The following COL4A5 variants were observed in gnomAD, a reference collection of about 807,000 sequenced individuals.
COL4A5 encodes the protein collagen alpha-5(IV) chain.
In COL4A5, 26 loss-of-function variants were observed where a neutral mutation model predicts 130.2. That is an observed-to-expected ratio of 0.20 (90% confidence interval 0.15 to 0.28). The LOEUF is 0.28. COL4A5 is among the 10% of genes least tolerant of loss of function. The probability of loss-of-function intolerance (pLI) is 1.00; values close to 1 mark genes in which losing one functional copy is unlikely to be tolerated. For synonymous variants in COL4A5, 496 were observed against 439.6 expected (o/e 1.13, Z -1.60); for missense variants, 1,131 against 1,344.3 (o/e 0.84, Z 2.48).
chrX:108,691,569 A>T (rs191952670), intron 49 of COL4A5, among the ~76,000 whole-genome samples: 1 of 111,457 alleles, frequency 9.0e-6, no homozygotes, highest in East Asian at 2.8e-4. Context: ...TAAAACATTT[A>T]ACACGTAAAG....
At position 108,694,909 on chromosome X, in the gene COL4A5, T is replaced by G. The variant is rs104886299; in HGVS notation, c.4809T>G (p.Tyr1603Ter). 1 of 1,183,542 alleles carries G rather than the reference T, an allele frequency of 8.4e-7. No individual in the cohort carries two copies. Among genetic ancestry groups the G allele is most frequent in the Non-Finnish European group, 1.1e-6 (1 of 869,817 alleles). Reference sequence around the variant, plus strand: ...GATGGGATTCTCTGTGGATTGGTTATTCCTTCATGATGGTATTTTACACTC... The same window carrying G: ...GATGGGATTCTCTGTGGATTGGTTAGTCCTTCATGATGGTATTTTACACTC... ...PQGWDSLWIG[Y>*]SFMMHTSAGA... The change falls in exon 51 of 53, where the codon TAT becomes TAG. Residue 1603 changes from tyrosine (Y) to a stop codon, truncating the protein, a stop_gained. Transcript: ENST00000328300. LOFTEE classifies it high-confidence loss of function.
At chrX:108,485,252 C>G (rs1315183613) in intron 1 of COL4A5, among the ~76,000 whole-genome samples, 1 of 112,083 alleles carries the variant, frequency 8.9e-6, no homozygotes, top group African/African-American at 3.2e-5. Context: ...AAAGCCAAGG[C>G]CTGGAATTGA....
chrX:108,538,409 G>A (rs1177909512), intron 1 of COL4A5, among the ~76,000 whole-genome samples: 1 of 112,008 alleles, frequency 8.9e-6, no homozygotes, highest in Admixed American at 9.5e-5. Context: ...GCCTCTTGTA[G>A]TGTGAGTGAG....
intron 44 of COL4A5, among the ~76,000 whole-genome samples, chrX:108,678,319 G>A (rs2068350325): frequency 9.0e-6 from 1 of 111,258 alleles, no homozygotes; most frequent in Non-Finnish European, 1.9e-5. Flanking sequence ...GATCCTTAAA[G>A]CTTTTCAAAA....
chrX:108,614,755 A>C (rs1226664383), intron 29 of COL4A5, among the ~76,000 whole-genome samples, 156 bp from the exon 30 acceptor site: 1 of 112,379 alleles, frequency 8.9e-6, no homozygotes, highest in Admixed American at 9.5e-5. Flanking sequence ...GTAACTATTA[A>C]TAGATTCCCT....
chrX:108,678,499 A>G (rs1246502148), intron 44 of COL4A5, among the ~76,000 whole-genome samples: 1 of 111,445 alleles, frequency 9.0e-6, no homozygotes, highest in Non-Finnish European at 1.9e-5. Flanking sequence ...TTTAATGCAG[A>G]TTTCTTAAGA....
intron 47 of COL4A5, among the ~76,000 whole-genome samples, chrX:108,683,597 A>C (rs779393293): frequency 9.0e-6 from 1 of 111,305 alleles, no homozygotes; most frequent in African/African-American, 3.3e-5. Context: ...TTTTGCCTGA[A>C]GAGGTCCTCC....
chrX:108,602,019 G>A, intron 27 of COL4A5, 30 bp downstream of exon 27: 1 of 742,732 alleles, frequency 1.3e-6, no homozygotes, highest in Admixed American at 2.6e-5. Flanking sequence ...AGGCAGAGTA[G>A]GTTAGAAGTT....
At chrX:108,658,427 C>G (rs2067887960) in intron 37 of COL4A5, among the ~76,000 whole-genome samples, 1 of 110,610 alleles carries the variant, frequency 9.0e-6, no homozygotes, top group African/African-American at 3.3e-5. Context: ...GTGTCCTTGT[C>G]AATGTTTTAG....
chrX:108,564,057 AAATTT>A lies in COL4A5; in HGVS notation c.276+134_276+138del, dbSNP rs1466803682. ...AGATAAATACAGTCTTCAAAAAGTTAAATTTAAGAGTTGGTATATGTCTATAACTA... is the reference window on the plus strand; with the variant it reads ...AGATAAATACAGTCTTCAAAAAGTTAAAGAGTTGGTATATGTCTATAACTA... On this transcript the variant is annotated intron_variant, in intron 4 of 52. Transcript: ENST00000328300. 1.3e-5 allele frequency: 7 copies of A among 533,604 alleles called. No individual in the cohort carries two copies. In the African/African-American group the frequency reaches 1.4e-4, roughly 11 times the overall value. The allele number at this position is 533,604 out of a possible 1,213,427, so 44.0% of individuals were successfully genotyped here. A position where few individuals can be genotyped will look rare whatever the true frequency, so the allele number is the denominator to read the frequency against.
chrX:108,512,689 A>G (rs904618014), intron 1 of COL4A5, among the ~76,000 whole-genome samples: 1 of 111,199 alleles, frequency 9.0e-6, no homozygotes, highest in African/African-American at 3.3e-5. Context: ...GGTCACAGAG[A>G]TCACGTACTT....
In COL4A5 at chrX:108,665,581, C is replaced by G. The variant is rs1199256878; in HGVS notation, c.3448C>G (p.Pro1150Ala). Residue 1150 changes from proline to alanine, a missense_variant, in exon 38 of 53, where the codon CCT becomes GCT. Pro to Ala is a conservative substitution (Grantham distance 27). Coordinates refer to ENST00000328300, the MANE Select transcript of COL4A5 (RefSeq NM_033380.3). ...CCCCGGCCTTCCAGGAGAACCTGGTCCTGTAGGTAAGCATGAAAAATAACA... is the reference window on the plus strand; with the variant it reads ...CCCCGGCCTTCCAGGAGAACCTGGTGCTGTAGGTAAGCATGAAAAATAACA... ...GNPGLPGEPG[P>A]VGGGGHPGQP... 3 of 1,186,761 alleles carry G rather than the reference C, an allele frequency of 2.5e-6. No individual in the cohort carries two copies. In the South Asian group the frequency reaches 5.4e-5, roughly 21 times the overall value.
At chrX:108,500,388 A>T (rs1228325290) in intron 1 of COL4A5, among the ~76,000 whole-genome samples, 1 of 112,208 alleles carries the variant, frequency 8.9e-6, no homozygotes, top group Non-Finnish European at 1.9e-5. Context: ...CTTAAAATAA[A>T]TGAAAATTGT....
Position 108,578,122 on chromosome X carries a change from G to A in COL4A5, c.687+3G>A, listed in dbSNP as rs763296749. ...TCCAGGGACCCAAAGGTGAAAAAGT[G>A]AGTAAAGAAAGAGAGCTGGTTATTC... is the stretch of plus-strand genomic sequence containing the variant. On this transcript the variant is annotated splice_donor_region_variant and intron_variant, in intron 12 of 52. Coordinates refer to ENST00000328300, the MANE Select transcript of COL4A5 (RefSeq NM_033380.3). The A allele has an allele frequency of 2.5e-6, 3 of 1,209,370 alleles. No homozygotes were observed. Among genetic ancestry groups the A allele is most frequent in the Non-Finnish European group, 3.4e-6 (3 of 893,596 alleles).
At chrX:108,547,972 G>C (rs937216420) in intron 2 of COL4A5, among the ~76,000 whole-genome samples, 2 of 111,960 alleles carry the variant, frequency 1.8e-5, no homozygotes, top group Non-Finnish European at 3.8e-5. Flanking sequence ...GCAGTATTAG[G>C]GTGGGAGTGA....
At chrX:108,602,674 T>C (rs1281354029) in intron 27 of COL4A5, among the ~76,000 whole-genome samples, 2 of 112,140 alleles carry the variant, frequency 1.8e-5, no homozygotes, top group Admixed American at 1.9e-4. Context: ...TTCTTGGGCA[T>C]TTTTGTGTGG....
At chrX:108,559,795 A>G (rs1319794619) in intron 3 of COL4A5, among the ~76,000 whole-genome samples, 1 of 112,256 alleles carries the variant, frequency 8.9e-6, no homozygotes, top group African/African-American at 3.2e-5. Flanking sequence ...GGTCTCCACC[A>G]AAAGAGGCCT....
chrX:108,664,758 T>G (rs984257794), intron 37 of COL4A5, among the ~76,000 whole-genome samples: 4 of 112,077 alleles, frequency 3.6e-5, no homozygotes, highest in African/African-American at 1.3e-4. Flanking sequence ...AAACTTTGAA[T>G]AGATACTTCA....
chrX:108,648,053 G>T (rs1481222011), intron 36 of COL4A5, among the ~76,000 whole-genome samples: 2 of 109,624 alleles, frequency 1.8e-5, no homozygotes, highest in Non-Finnish European at 1.9e-5. Flanking sequence ...TTTTTTTGTT[G>T]TGTCTCTACC....
Sources: gnomAD v4.1 joint callset for allele counts (sites outside exome capture counted in the v4.1 genomes callset) on GRCh38, gnomAD v4.1.1 for gene constraint, MANE v1.5 for transcripts, NCBI Gene and HGNC (gene_info 2026-07-23, HGNC 2026-07-21) for gene names.